JPH2: variants seen among roughly 807,000 people sequenced by gnomAD.
JPH2 encodes the protein junctophilin 2, also known as junctophilin-2.
Under a neutral mutation model 55.9 loss-of-function variants are expected in JPH2, and 38 were observed. The observed-to-expected ratio is 0.68, with a 90% CI of 0.52 to 0.89. The LOEUF is 0.89. JPH2 is among the 40% of genes least tolerant of loss of function. The pLI is 0.00. For synonymous variants in JPH2, 480 were observed against 472.4 expected (o/e 1.02, Z -0.21); for missense variants, 964 against 1,037.6 (o/e 0.93, Z 0.97).
intron 2 of JPH2, among the ~76,000 whole-genome samples, chr20:44,124,879 G>A (rs1057054640): frequency 1.3e-5 from 2 of 151,492 alleles, no homozygotes; most frequent in Admixed American, 6.6e-5. Flanking sequence ...ATGCTGAGGC[G>A]GGTGGATCAC....
chr20:44,181,408 A>C (rs13041775), intron 1 of JPH2, among the ~76,000 whole-genome samples: 18,026 of 152,202 alleles, frequency 0.12, 1,347 homozygotes, highest in Non-Finnish European at 0.17. Flanking sequence ...TCAGAAAATA[A>C]TACTTTATCT....
intron 1 of JPH2, among the ~76,000 whole-genome samples, chr20:44,161,094 A>C (rs2072606794): frequency 6.6e-6 from 1 of 152,124 alleles, no homozygotes; most frequent in Admixed American, 6.5e-5. Flanking sequence ...ACACACACAC[A>C]AATCATGAGT....
In JPH2 at chr20:44,186,465, G is replaced by A; in HGVS notation, c.241C>T (p.Leu81Phe). 1 of 1,614,050 alleles carries A rather than the reference G, an allele frequency of 6.2e-7. No individual in the cohort carries two copies. Among genetic ancestry groups the A allele is most frequent in the Non-Finnish European group, 8.5e-7 (1 of 1,180,012 alleles). Residue 81 changes from leucine (L) to phenylalanine (F), a missense_variant, in exon 1 of 6, where the codon CTC becomes TTC. Transcript: ENST00000372980. ...GLGIETKGRW[L>F]YKGEWTHGFK... ...CCATGTGTCCACTCGCCCTTGTAGA[G>A]CCAGCGCCCCTTGGTCTCTATGCCC...
At chr20:44,155,511 C>T (rs896032350) in intron 2 of JPH2, among the ~76,000 whole-genome samples, 3 of 152,220 alleles carry the variant, frequency 2.0e-5, no homozygotes, top group Non-Finnish European at 4.4e-5. Context: ...ATTCCCCCCT[C>T]CAAAAGGTGT....
chr20:44,130,398 G>C (rs2072309155), intron 2 of JPH2, among the ~76,000 whole-genome samples: 1 of 152,258 alleles, frequency 6.6e-6, no homozygotes, highest in Admixed American at 6.5e-5. Context: ...AGGGCCTGGG[G>C]CTGGGTTACC....
chr20:44,178,795 G>A (rs1487800826), intron 1 of JPH2, among the ~76,000 whole-genome samples: 1 of 152,132 alleles, frequency 6.6e-6, no homozygotes, highest in African/African-American at 2.4e-5. Context: ...CATAAAGATA[G>A]ACAAACTGAT....
At chr20:44,155,718 T>TATA (rs1332825637) in intron 2 of JPH2, among the ~76,000 whole-genome samples, 3 of 152,184 alleles carry the variant, frequency 2.0e-5, no homozygotes, top group African/African-American at 7.2e-5. Context: ...AGGGACACTC[T>TATA]ATAAACTATC....
At position 44,108,089 on chromosome 20, in the gene JPH2, A is replaced by C. The variant is rs2206633; in HGVS notation, c.*5429T>G. Among the ~76,000 whole-genome samples, 98,383 of 152,020 alleles carry C rather than the reference A, an allele frequency of 0.65. 32,841 individuals carry two copies. Among genetic ancestry groups the C allele is most frequent in the African/African-American group, 0.84 (34,653 of 41,476 alleles). On this transcript the variant is annotated 3_prime_UTR_variant, in exon 6 of 6. Coordinates refer to ENST00000372980, the MANE Select transcript of JPH2 (RefSeq NM_020433.5). ...TGGAGGTTAAGTTCAACCATGTGGG[A>C]AATGATTCAATCAATCACCTCTACA...
At chr20:44,124,978 G>A (rs2145845370) in intron 2 of JPH2, among the ~76,000 whole-genome samples, 1 of 124,386 alleles carries the variant, frequency 8.0e-6, no homozygotes, top group East Asian at 2.0e-4. Context: ...GCACGGTGGT[G>A]CGCACCTGTA....
rs2072359609 is a variant in JPH2, at chr20:44,134,173, T to TATAAATATATAAATATTTATTATAA, written c.1170-15575_1170-15551dup. Reference sequence around the variant, plus strand: ...TTATTATAAATATATAAATATTTATTATAAATATATAAATATTTATTATAA... The same window carrying TATAAATATATAAATATTTATTATAA: ...TTATTATAAATATATAAATATTTATTATAAATATATAAATATTTATTATAAATAAATATATAAATATTTATTATAA... On this transcript the variant is annotated intron_variant, in intron 2 of 5. Transcript: ENST00000372980. 6.1e-5 allele frequency among the ~76,000 whole-genome samples: 2 copies of TATAAATATATAAATATTTATTATAA among 32,778 alleles called. 1 individual carries two copies. The highest frequency in any genetic ancestry group is 2.8e-3 in the South Asian group (2 of 724). The allele number at this position is 32,778 out of a possible 152,430, so 21.5% of individuals were successfully genotyped here. A position where few individuals can be genotyped will look rare whatever the true frequency, so the allele number is the denominator to read the frequency against.
Position 44,129,384 on chromosome 20 carries a change from G to A in JPH2, c.1170-10761C>T, listed in dbSNP as rs149641956. Among the ~76,000 whole-genome samples the A allele has an allele frequency of 6.4e-4, 97 of 152,052 alleles. No individual in the cohort carries two copies. In the East Asian group the frequency reaches 0.011, roughly 18 times the overall value. ...AGCCTGGCCAACATGGTGAAACTTC[G>A]TCTCTACTAAAAATACAAAAATTTG... is the stretch of plus-strand genomic sequence containing the variant. On this transcript the variant is annotated intron_variant, in intron 2 of 5. Transcript: ENST00000372980.
intron 1 of JPH2, among the ~76,000 whole-genome samples, chr20:44,175,695 C>T (rs528977699): frequency 3.3e-5 from 5 of 152,348 alleles, no homozygotes; most frequent in African/African-American, 7.2e-5. Flanking sequence ...CCAGATGATG[C>T]CCCGTGGCTC....
chr20:44,180,801 G>C (rs1393015986), intron 1 of JPH2, among the ~76,000 whole-genome samples: 1 of 152,040 alleles, frequency 6.6e-6, no homozygotes, highest in Non-Finnish European at 1.5e-5. Flanking sequence ...CATCACGCCT[G>C]AAGTTTCAGG....
chr20:44,159,844 C>T lies in JPH2; in HGVS notation c.943G>A (p.Glu315Lys), dbSNP rs768672949. The T allele has an allele frequency of 8.1e-6, 13 of 1,613,536 alleles. No individual in the cohort carries two copies. In the Admixed American group the frequency reaches 1.0e-4, roughly 12 times the overall value. ...CGCAGGTTGTCCAGCCACTCGCCCT[C>T]GTAGCGGAGGCCACTGGAGCGTTCG... ...VSERSSGLRY[E>K]GEWLDNLRHG... is the part of the protein sequence containing the mutation. Residue 315 changes from glutamate to lysine, a missense_variant, in exon 2 of 6, where the codon GAG becomes AAG. Glu to Lys is a moderately conservative substitution (Grantham distance 56). Coordinates refer to ENST00000372980, the MANE Select transcript of JPH2 (RefSeq NM_020433.5). The surrounding 1 kb of genome is among the most constrained non-coding windows in gnomAD (Gnocchi z 5.7).
chr20:44,168,760 C>T (rs757652054), intron 1 of JPH2, among the ~76,000 whole-genome samples: 24 of 152,324 alleles, frequency 1.6e-4, no homozygotes, highest in East Asian at 5.8e-4. Context: ...CTGAAGAAAG[C>T]GTGACCATTT....
At chr20:44,168,352 ATTGT>A (rs1569215231) in intron 1 of JPH2, among the ~76,000 whole-genome samples, 3 of 150,784 alleles carry the variant, frequency 2.0e-5, no homozygotes, top group Non-Finnish European at 3.0e-5. Flanking sequence ...ATGATTGTAT[ATTGT>A]TTACACACAA....
At chr20:44,177,193 G>A (rs962069101) in intron 1 of JPH2, 1 of 985,526 alleles carries the variant, frequency 1.0e-6, no homozygotes, top group African/African-American at 1.7e-5. Context: ...GGAAGGGATA[G>A]GTGAGAACAA....
intron 2 of JPH2, among the ~76,000 whole-genome samples, chr20:44,123,913 G>A (rs2072257670): frequency 6.6e-6 from 1 of 152,088 alleles, no homozygotes; most frequent in African/African-American, 2.4e-5. Context: ...TAGCACCAGG[G>A]TCCCTCCCTG....
At chr20:44,182,150 C>G (rs1159918479) in intron 1 of JPH2, among the ~76,000 whole-genome samples, 1 of 152,094 alleles carries the variant, frequency 6.6e-6, no homozygotes, top group Non-Finnish European at 1.5e-5. Context: ...GGAGAATGAC[C>G]CAGGGCTGCC....
Sources: gnomAD v4.1 joint callset for allele counts (sites outside exome capture counted in the v4.1 genomes callset) on GRCh38, gnomAD v4.1.1 for gene constraint, Gnocchi (gnomAD v3.1) non-coding constraint, MANE v1.5 for transcripts, NCBI Gene and HGNC (gene_info 2026-07-23, HGNC 2026-07-21) for gene names.